The following SIPA1L1 variants were observed in gnomAD, a reference collection of about 807,000 sequenced individuals.
The protein encoded by SIPA1L1 is signal induced proliferation associated 1 like 1, also known as signal-induced proliferation-associated 1-like protein 1.
SIPA1L1 carries 26 observed loss-of-function variants against 162.7 expected under a neutral mutation model. The observed-to-expected ratio is 0.16, with a 90% CI of 0.12 to 0.22. The LOEUF (loss-of-function observed/expected upper bound fraction) is 0.22. Ranked by LOEUF, SIPA1L1 falls within the 10% of genes least tolerant of loss-of-function variation. The probability of loss-of-function intolerance (pLI) is 1.00; values close to 1 mark genes in which losing one functional copy is unlikely to be tolerated. For synonymous variants in SIPA1L1, 829 were observed against 837.4 expected, an observed-to-expected ratio of 0.99 and a Z score of 0.17; for missense variants, 1,874 against 2,241.0, an observed-to-expected ratio of 0.84 and a Z score of 3.31.
intron 2 of SIPA1L1, among the ~76,000 whole-genome samples, chr14:71,432,897 A>G (rs2044101368): frequency 6.6e-6 from 1 of 152,166 alleles, no homozygotes; most frequent in African/African-American, 2.4e-5. Flanking sequence ...CTGGGCTGCT[A>G]TGGAAATAGG....
intron 2 of SIPA1L1, among the ~76,000 whole-genome samples, chr14:71,372,229 A>G (rs2038957461): frequency 6.6e-6 from 1 of 152,152 alleles, no homozygotes; most frequent in Non-Finnish European, 1.5e-5. Flanking sequence ...GCTTCCAGGA[A>G]GCAATTGGGT....
At chr14:71,484,383 A>G (rs1166119212) in intron 2 of SIPA1L1, among the ~76,000 whole-genome samples, 2 of 150,504 alleles carry the variant, frequency 1.3e-5, no homozygotes, top group African/African-American at 4.9e-5. Flanking sequence ...AATATTTAAA[A>G]CCCTTTAAGT....
intron 3 of SIPA1L1, among the ~76,000 whole-genome samples, chr14:71,515,765 A>G (rs1182547416): frequency 6.6e-6 from 1 of 151,964 alleles, no homozygotes; most frequent in Non-Finnish European, 1.5e-5. Context: ...AGCCTCCCAA[A>G]TAACTGCTAC....
chr14:71,446,906 G>GTTTTTT lies in SIPA1L1; in HGVS notation c.-464-65819_-464-65814dup, dbSNP rs1189940440. The stretch of plus-strand genomic sequence containing the variant: ...AGAGATGGGCTCTGTTTTTTTTTTT[G>GTTTTTT]TTTTTTTTTTTTTTTTTTTTTTTGA... On this transcript the variant is annotated intron_variant, in intron 2 of 23. Transcript: ENST00000381232. Among the ~76,000 whole-genome samples the GTTTTTT allele has an allele frequency of 7.3e-3, 387 of 53,182 alleles. 16 individuals are homozygous for GTTTTTT. The highest frequency in any genetic ancestry group is 9.3e-3 in the Non-Finnish European group (299 of 32,294). 34.9% of individuals were successfully genotyped at this position (53,182 alleles called of 152,430 possible). A position where few individuals can be genotyped will look rare whatever the true frequency, so the allele number is the denominator to read the frequency against.
Position 71,557,611 on chromosome 14 carries a change from C to T in SIPA1L1, c.-303+28241C>T, listed in dbSNP as rs559166426. Among the ~76,000 whole-genome samples, 16 of 151,936 alleles carry T rather than the reference C, an allele frequency of 1.1e-4. No individual in the cohort carries two copies. In the South Asian group the frequency reaches 1.3e-3, roughly 12 times the overall value. On this transcript the variant is annotated intron_variant, in intron 4 of 23. Coordinates refer to ENST00000381232, the MANE Select transcript of SIPA1L1 (RefSeq NM_001386936.1). Reference sequence around the variant, plus strand: ...TGGTTCTGTTACATTTGGATCGTTGCGAAAGTACCTTATTGAATACAAATA... The same window carrying T: ...TGGTTCTGTTACATTTGGATCGTTGTGAAAGTACCTTATTGAATACAAATA...
At chr14:71,459,950 C>T (rs982942633) in intron 2 of SIPA1L1, among the ~76,000 whole-genome samples, 2 of 152,146 alleles carry the variant, frequency 1.3e-5, no homozygotes, top group East Asian at 3.9e-4. Flanking sequence ...ATAATTACGC[C>T]TAACATAATA....
chr14:71,542,769 G>A lies in SIPA1L1; in HGVS notation c.-303+13399G>A, dbSNP rs184161950. On this transcript the variant is annotated intron_variant, in intron 4 of 23. Coordinates refer to ENST00000381232, the MANE Select transcript of SIPA1L1 (RefSeq NM_001386936.1). ...TCTCTCTTTTTTTTTTTTTTTACGA[G>A]ATACAGTCTTGCTATGTTGCCCAGG... 5.2e-4 allele frequency among the ~76,000 whole-genome samples: 63 copies of A among 121,300 alleles called. No homozygotes were observed. The East Asian group carries it at 0.013, about 25-fold the overall frequency. The allele number at this position is 121,300 out of a possible 152,430, so 79.6% of individuals were successfully genotyped here.
chr14:71,684,046 G>A (rs755924100), intron 12 of SIPA1L1, among the ~76,000 whole-genome samples: 5 of 152,194 alleles, frequency 3.3e-5, no homozygotes, highest in South Asian at 4.1e-4. Context: ...AGCCTTGGGC[G>A]GAGGGTCAGA....
At chr14:71,489,605 G>T (rs1423975101) in intron 2 of SIPA1L1, among the ~76,000 whole-genome samples, 1 of 151,776 alleles carries the variant, frequency 6.6e-6, no homozygotes, top group Non-Finnish European at 1.5e-5. Flanking sequence ...AATCAGGGAT[G>T]TCCAATCTTT....
At chr14:71,499,678 C>T (rs987259633) in intron 2 of SIPA1L1, among the ~76,000 whole-genome samples, 1 of 152,052 alleles carries the variant, frequency 6.6e-6, no homozygotes, top group Non-Finnish European at 1.5e-5. Flanking sequence ...GATTGATGTG[C>T]TAAATAATCA....
At chr14:71,566,163 T>C (rs1171440350) in intron 4 of SIPA1L1, among the ~76,000 whole-genome samples, 1 of 152,154 alleles carries the variant, frequency 6.6e-6, no homozygotes, top group Non-Finnish European at 1.5e-5. Context: ...CCAGTAACGG[T>C]ATATTAGAAA....
chr14:71,549,890 G>T (rs1163054118), intron 4 of SIPA1L1, among the ~76,000 whole-genome samples: 1 of 152,160 alleles, frequency 6.6e-6, no homozygotes, highest in Non-Finnish European at 1.5e-5. Context: ...AAGTAGTACT[G>T]CTTGGGATTA....
chr14:71,572,721 G>T (rs560047312), intron 4 of SIPA1L1, among the ~76,000 whole-genome samples: 3 of 152,310 alleles, frequency 2.0e-5, no homozygotes, highest in Non-Finnish European at 4.4e-5. Context: ...AGAATAACAA[G>T]ATTTTTTTGC....
At chr14:71,691,101 C>T (rs929411254) in intron 13 of SIPA1L1, among the ~76,000 whole-genome samples, 1 of 152,200 alleles carries the variant, frequency 6.6e-6, no homozygotes, top group African/African-American at 2.4e-5. Context: ...CCTGCCATTG[C>T]CTGAGAAGTT....
intron 2 of SIPA1L1, among the ~76,000 whole-genome samples, chr14:71,454,902 CAT>C (rs1439059810): frequency 6.6e-6 from 1 of 152,158 alleles, no homozygotes; most frequent in Non-Finnish European, 1.5e-5. Context: ...GGTTCAGAAT[CAT>C]GTGCTGAGTG....
At chr14:71,686,963 C>T (rs1355109128) in intron 13 of SIPA1L1, among the ~76,000 whole-genome samples, 2 of 152,154 alleles carry the variant, frequency 1.3e-5, no homozygotes, top group Admixed American at 1.3e-4. Context: ...AAATCATCAC[C>T]GCTCCAGTTT....
intron 2 of SIPA1L1, among the ~76,000 whole-genome samples, chr14:71,464,827 T>C (rs1431557799): frequency 1.3e-5 from 2 of 152,182 alleles, no homozygotes; most frequent in East Asian, 3.9e-4. Context: ...ACAGTTCTTT[T>C]CAAGTGTAGC....
At chr14:71,429,246 T>C (rs1287134000) in intron 2 of SIPA1L1, among the ~76,000 whole-genome samples, 2 of 152,228 alleles carry the variant, frequency 1.3e-5, no homozygotes, top group Non-Finnish European at 2.9e-5. Context: ...TTTGAGTGCC[T>C]GTTTCCTCCC....
intron 4 of SIPA1L1, among the ~76,000 whole-genome samples, chr14:71,557,628 A>G (rs2056458289): frequency 6.6e-6 from 1 of 152,204 alleles, no homozygotes; most frequent in Non-Finnish European, 1.5e-5. Flanking sequence ...ACCTTATTGA[A>G]TACAAATATG....
Sources: allele counts gnomAD v4.1 joint callset (sites outside exome capture counted in the v4.1 genomes callset), GRCh38; gene constraint gnomAD v4.1.1; transcripts MANE v1.5; gene names NCBI Gene and HGNC (gene_info 2026-07-23, HGNC 2026-07-21).